Variants in USP46 observed in about 807,000 individuals in gnomAD.
The protein encoded by USP46 is ubiquitin specific peptidase 46, also known as ubiquitin carboxyl-terminal hydrolase 46.
USP46 carries 12 observed loss-of-function variants against 44.4 expected under a neutral mutation model. The observed-to-expected ratio is 0.27, with a 90% CI of 0.17 to 0.44. The LOEUF is 0.44. USP46 is among the 20% of genes least tolerant of loss of function. The pLI is 1.00. For missense variants in USP46, 248 were observed against 444.8 expected (o/e 0.56, Z 3.98); for synonymous variants, 155 against 161.5 (o/e 0.96, Z 0.31).
In USP46 at chr4:52,594,401, A is replaced by C. The variant is rs200387706; in HGVS notation, c.*3239T>G. The C allele has an allele frequency of 4.6e-5, 7 of 152,342 alleles. No individual in the cohort carries two copies. In the East Asian group the frequency reaches 1.2e-3, roughly 25 times the overall value. 9.4% of individuals were successfully genotyped at this position (152,342 alleles called of 1,614,324 possible). A position where few individuals can be genotyped will look rare whatever the true frequency, so the allele number is the denominator to read the frequency against. On this transcript the variant is annotated 3_prime_UTR_variant, in exon 9 of 9. Coordinates refer to ENST00000441222, the MANE Select transcript of USP46 (RefSeq NM_022832.4). ...ACTATTTTGGTTATACAGAAATGGA[A>C]GCCAAAAATAAATTAATGTAATACT...
intron 5 of USP46, among the ~76,000 whole-genome samples, chr4:52,607,431 C>A (rs1470028506): frequency 1.3e-5 from 2 of 152,226 alleles, no homozygotes; most frequent in African/African-American, 4.8e-5. Flanking sequence ...CTCTTTCCAA[C>A]ACTTGGGATA....
At position 52,597,547 on chromosome 4, in the gene USP46, T is replaced by C. The variant is rs894918629; in HGVS notation, c.*93A>G. On this transcript the variant is annotated 3_prime_UTR_variant, in exon 9 of 9. Coordinates refer to ENST00000441222, the MANE Select transcript of USP46 (RefSeq NM_022832.4). ...TTGAGACTCGGAGTGATACCATTAG[T>C]GGGCCACTGGGGAAGAGGAAAGCCT... 38 of 799,082 alleles carry C rather than the reference T, an allele frequency of 4.8e-5. No homozygotes were observed. Among genetic ancestry groups the C allele is most frequent in the Non-Finnish European group, 7.1e-5 (34 of 480,908 alleles). 49.5% of individuals were successfully genotyped at this position (799,082 alleles called of 1,614,324 possible). A position where few individuals can be genotyped will look rare whatever the true frequency, so the allele number is the denominator to read the frequency against.
chr4:52,619,770 G>A (rs1346361880), intron 4 of USP46, among the ~76,000 whole-genome samples: 1 of 152,110 alleles, frequency 6.6e-6, no homozygotes, highest in African/African-American at 2.4e-5. Context: ...AGATGCTGTT[G>A]ACCAACTGGC....
intron 1 of USP46, among the ~76,000 whole-genome samples, chr4:52,644,762 C>T (rs916271989): frequency 1.2e-4 from 18 of 148,500 alleles, no homozygotes; most frequent in African/African-American, 4.4e-4. Flanking sequence ...AAAAAAACCT[C>T]TGAAAAAAAC....
chr4:52,619,012 A>C (rs751537363), intron 4 of USP46, among the ~76,000 whole-genome samples: 4 of 152,218 alleles, frequency 2.6e-5, no homozygotes, highest in African/African-American at 7.2e-5. Context: ...GCTTAAATGG[A>C]AAGAGGGAAA....
In USP46 at chr4:52,593,642, C is replaced by A. The variant is rs1716116523; in HGVS notation, c.*3998G>T. 6.6e-6 allele frequency: 1 copy of A among 152,280 alleles called. No individual in the cohort carries two copies. The highest frequency in any genetic ancestry group is 2.4e-5 in the African/African-American group (1 of 41,460). 9.4% of individuals were successfully genotyped at this position (152,280 alleles called of 1,614,324 possible). A position where few individuals can be genotyped will look rare whatever the true frequency, so the allele number is the denominator to read the frequency against. On this transcript the variant is annotated 3_prime_UTR_variant, in exon 9 of 9. Coordinates refer to ENST00000441222, the MANE Select transcript of USP46 (RefSeq NM_022832.4). ...CTTCTGGGGCAGGGAGTGGTGTGAACCCACGTGAGTATTTCTGAAGCTGGG... is the reference window on the plus strand; with the variant it reads ...CTTCTGGGGCAGGGAGTGGTGTGAAACCACGTGAGTATTTCTGAAGCTGGG...
intron 1 of USP46, among the ~76,000 whole-genome samples, chr4:52,635,960 T>C (rs1718098131): frequency 6.6e-6 from 1 of 152,090 alleles, no homozygotes; most frequent in Non-Finnish European, 1.5e-5. Flanking sequence ...TTTCTGTTTA[T>C]TTTTCACATC....
At chr4:52,640,576 G>A (rs1416714948) in intron 1 of USP46, among the ~76,000 whole-genome samples, 2 of 151,904 alleles carry the variant, frequency 1.3e-5, no homozygotes, top group Admixed American at 1.3e-4. Context: ...CAAGGTGAGC[G>A]GATCACTTGA....
chr4:52,602,018 C>T lies in USP46; in HGVS notation c.759G>A (p.Leu253=). ...RVKKLPMILA[L]HLKRFKYMEQ... ...CCATGTACTTGAACCGCTTTAGGTG[C>T]AGGGCCAAGATCATGGGCAGCTTTT... Residue 253 remains leucine (L), a synonymous_variant, in exon 7 of 9, where the codon CTG becomes CTA. Transcript: ENST00000441222. 6.2e-7 allele frequency: 1 copy of T among 1,613,616 alleles called. No individual in the cohort carries two copies. The highest frequency in any genetic ancestry group is 2.2e-5 in the East Asian group (1 of 44,858).
intron 1 of USP46, among the ~76,000 whole-genome samples, chr4:52,650,236 T>C (rs1413263873): frequency 6.6e-6 from 1 of 152,174 alleles, no homozygotes; most frequent in Non-Finnish European, 1.5e-5. Context: ...AAGTAAACCA[T>C]GGTTAAGTCA....
At chr4:52,618,840 T>G (rs1187845758) in intron 4 of USP46, among the ~76,000 whole-genome samples, 2 of 152,214 alleles carry the variant, frequency 1.3e-5, no homozygotes, top group African/African-American at 4.8e-5. Flanking sequence ...GAAACTCTAC[T>G]GAATCAATTT....
Position 52,649,553 on chromosome 4 carries a change from T to G in USP46, c.36+9562A>C, listed in dbSNP as rs141619277. On this transcript the variant is annotated intron_variant, in intron 1 of 8. Coordinates refer to ENST00000441222, the MANE Select transcript of USP46 (RefSeq NM_022832.4). ...AGCATTATCTGTACCACCAGAGAGT[T>G]TGTTAGAAGTGCAAAATCTCCGCCC... Among the ~76,000 whole-genome samples the G allele has an allele frequency of 2.4e-3, 360 of 152,304 alleles. 1 individual carries two copies. Among genetic ancestry groups the G allele is most frequent in the African/African-American group, 7.6e-3 (317 of 41,562 alleles).
chr4:52,647,742 G>GA (rs1248215110), intron 1 of USP46, among the ~76,000 whole-genome samples: 1 of 152,164 alleles, frequency 6.6e-6, no homozygotes, highest in Non-Finnish European at 1.5e-5. Flanking sequence ...CTCCTTGACT[G>GA]AAAACCATAG....
chr4:52,639,682 T>A (rs1718255379), intron 1 of USP46, among the ~76,000 whole-genome samples: 1 of 151,972 alleles, frequency 6.6e-6, no homozygotes, highest in East Asian at 1.9e-4. Flanking sequence ...CCAGGTAAAA[T>A]GTCTCTAGAA....
At chr4:52,656,348 T>C in intron 1 of USP46, 1 of 1,551,024 alleles carries the variant, frequency 6.4e-7, no homozygotes. Flanking sequence ...CCAGTTAATA[T>C]TTACGTCTGA....
intron 1 of USP46, chr4:52,656,263 T>A: frequency 1.3e-6 from 2 of 1,549,882 alleles, no homozygotes; most frequent in Non-Finnish European, 1.7e-6. Context: ...ACAGAGGAGC[T>A]AAGCAGTGAG....
intron 1 of USP46, among the ~76,000 whole-genome samples, chr4:52,649,315 G>C (rs1308448264): frequency 6.6e-6 from 1 of 152,206 alleles, no homozygotes. Context: ...AGCTCACACA[G>C]TGCTTCCATG....
chr4:52,652,711 A>C (rs1718809800), intron 1 of USP46, among the ~76,000 whole-genome samples: 1 of 152,246 alleles, frequency 6.6e-6, no homozygotes, highest in African/African-American at 2.4e-5. Flanking sequence ...ATACAAATCT[A>C]GTAAAAATAT....
At chr4:52,619,766 T>C (rs916188178) in intron 4 of USP46, among the ~76,000 whole-genome samples, 20 of 152,150 alleles carry the variant, frequency 1.3e-4, no homozygotes, top group Admixed American at 1.2e-3. Context: ...CATCAGATGC[T>C]GTTGACCAAC....
Sources: gnomAD v4.1 joint callset for allele counts (sites outside exome capture counted in the v4.1 genomes callset) on GRCh38, gnomAD v4.1.1 for gene constraint, MANE v1.5 for transcripts, NCBI Gene and HGNC (gene_info 2026-07-23, HGNC 2026-07-21) for gene names.